The following CHM variants were observed in gnomAD, a reference collection of about 807,000 sequenced individuals.
CHM encodes rab proteins geranylgeranyltransferase component A 1.
Under a neutral mutation model 49.0 loss-of-function variants are expected in CHM, and 10 were observed. The observed-to-expected ratio is 0.20, with a 90% CI of 0.13 to 0.35. The LOEUF is 0.35. CHM is among the 10% of genes least tolerant of loss of function. CHM has a pLI of 1.00. For synonymous variants in CHM, 184 were observed against 167.5 expected, an observed-to-expected ratio of 1.10 and a Z score of -0.76; for missense variants, 455 against 478.4, an observed-to-expected ratio of 0.95 and a Z score of 0.46.
At chrX:86,019,752 T>C (rs7889442) in intron 2 of CHM, 197 of 111,661 alleles carry the variant, frequency 1.8e-3, no homozygotes, top group African/African-American at 6.1e-3. Context: ...GTTACAGCAA[T>C]AGCACAGTAT....
At chrX:86,015,870 C>T (rs1225652503) in intron 2 of CHM, among the ~76,000 whole-genome samples, 3 of 112,248 alleles carry the variant, frequency 2.7e-5, no homozygotes, top group African/African-American at 6.5e-5. Context: ...GGGTGGCTCA[C>T]GCCTGTAATC....
intron 8 of CHM, among the ~76,000 whole-genome samples, chrX:85,942,766 T>A (rs75767861): frequency 0.23 from 25,057 of 107,853 alleles, 2,284 homozygotes; most frequent in Non-Finnish European, 0.26. Context: ...TTTTTTTTTT[T>A]TATATATATA....
intron 8 of CHM, among the ~76,000 whole-genome samples, chrX:85,913,384 G>GAAAGAAAGAAAA (rs1927240309): frequency 1.0e-5 from 1 of 95,315 alleles, no homozygotes; most frequent in African/African-American, 3.8e-5. Context: ...AAGAAAGAAA[G>GAAAGAAAGAAAA]AAAAAAGGAA....
At chrX:86,047,105 T>A (rs1934678953) in intron 1 of CHM, 1 of 263,901 alleles carries the variant, frequency 3.8e-6, no homozygotes, top group African/African-American at 2.8e-5. Context: ...TGATGGGGAA[T>A]ATCACCTTGA....
At chrX:86,018,833 T>C (rs747997688) in intron 2 of CHM, among the ~76,000 whole-genome samples, 1 of 111,033 alleles carries the variant, frequency 9.0e-6, no homozygotes, top group Non-Finnish European at 1.9e-5. Context: ...GACAAAATAA[T>C]AGAGATGAAA....
intron 12 of CHM, 105 bp downstream of exon 12, chrX:85,894,083 A>G: frequency 1.7e-6 from 1 of 596,179 alleles, no homozygotes; most frequent in Non-Finnish European, 2.7e-6. Context: ...TGAATAATAA[A>G]AAAGTAAGAA....
intron 12 of CHM, among the ~76,000 whole-genome samples, chrX:85,890,763 G>T (rs1203696901): frequency 9.0e-6 from 1 of 111,674 alleles, no homozygotes; most frequent in Non-Finnish European, 1.9e-5. Flanking sequence ...GTAGAGTGAG[G>T]CATTGTTGAA....
chrX:85,876,006 A>G (rs1924390969), intron 13 of CHM, among the ~76,000 whole-genome samples: 1 of 112,043 alleles, frequency 8.9e-6, no homozygotes. Flanking sequence ...CAGAATATGT[A>G]AAGAACTCCT....
intron 13 of CHM, among the ~76,000 whole-genome samples, chrX:85,876,133 T>C (rs1039048716): frequency 1.8e-5 from 2 of 111,542 alleles, no homozygotes; most frequent in Non-Finnish European, 3.8e-5. Flanking sequence ...TGAACATCAC[T>C]AATCGCTGGG....
intron 1 of CHM, among the ~76,000 whole-genome samples, chrX:86,045,753 T>C (rs1276762144): frequency 1.8e-5 from 2 of 110,890 alleles, no homozygotes; most frequent in Non-Finnish European, 3.8e-5. Context: ...CATTCATCAA[T>C]TAAAATTTGA....
chrX:85,919,696 T>G (rs1927666752), intron 8 of CHM, among the ~76,000 whole-genome samples: 1 of 111,945 alleles, frequency 8.9e-6, no homozygotes, highest in African/African-American at 3.2e-5. Flanking sequence ...GATAATTCAT[T>G]TAAATATCCT....
intron 2 of CHM, among the ~76,000 whole-genome samples, chrX:86,001,870 C>A (rs1932742561): frequency 2.7e-5 from 3 of 110,185 alleles, no homozygotes; most frequent in Non-Finnish European, 3.8e-5. Flanking sequence ...TTTAAAAAAA[C>A]AACAACAACA....
Position 85,907,613 on chromosome X carries a change from T to C in CHM, c.1244+3648A>G, listed in dbSNP as rs192027137. Among the ~76,000 whole-genome samples, 607 of 112,049 alleles carry C rather than the reference T, an allele frequency of 5.4e-3. 2 individuals are homozygous for C. The highest frequency in any genetic ancestry group is 9.3e-3 in the Non-Finnish European group (495 of 53,195). On this transcript the variant is annotated intron_variant, in intron 9 of 14. Coordinates refer to ENST00000357749, the MANE Select transcript of CHM (RefSeq NM_000390.4). The stretch of plus-strand genomic sequence containing the variant: ...AAAATAAAACCTGGCTGAAAATAGG[T>C]ATGCATTTGGTTACATATTCCATAT...
At chrX:85,881,460 A>T (rs756018050) in intron 12 of CHM, among the ~76,000 whole-genome samples, 25 of 112,132 alleles carry the variant, frequency 2.2e-4, no homozygotes, top group Non-Finnish European at 3.6e-4. Context: ...ATTTCACTTT[A>T]CTTGTGCAAC....
intron 8 of CHM, among the ~76,000 whole-genome samples, chrX:85,930,728 T>C (rs190140180): frequency 2.5e-4 from 28 of 111,826 alleles, no homozygotes; most frequent in Admixed American, 2.2e-3. Context: ...AGAGACGCTT[T>C]CCCATAACTT....
At chrX:86,031,824 G>C (rs2147797071) in intron 1 of CHM, among the ~76,000 whole-genome samples, 1 of 110,191 alleles carries the variant, frequency 9.1e-6, no homozygotes, top group African/African-American at 3.3e-5. Context: ...TGGGCAACAA[G>C]AGAAAAACTC....
At chrX:85,882,233 C>G (rs763367875) in intron 12 of CHM, among the ~76,000 whole-genome samples, 217 of 112,061 alleles carry the variant, frequency 1.9e-3, no homozygotes, top group African/African-American at 6.8e-3. Context: ...CATGCTATCA[C>G]ATTTCTACTG....
rs183370074 is a variant in CHM at position 85,934,645 on chromosome X, C to T, written c.1166+21508G>A. On this transcript the variant is annotated intron_variant, in intron 8 of 14. Coordinates refer to ENST00000357749, the MANE Select transcript of CHM (RefSeq NM_000390.4). ...TTTTTTATGGCTGCATAGTATTCCA[C>T]GGTGTATATGTGCCACATTTCCTTA... Among the ~76,000 whole-genome samples the T allele has an allele frequency of 7.7e-3, 849 of 110,097 alleles. 6 individuals carry two copies. Among genetic ancestry groups the T allele is most frequent in the African/African-American group, 0.026 (774 of 30,229 alleles).
chrX:85,972,249 A>G (rs1232613851), intron 4 of CHM, among the ~76,000 whole-genome samples: 1 of 112,856 alleles, frequency 8.9e-6, no homozygotes, highest in Non-Finnish European at 1.9e-5. Context: ...AGCTAGATAT[A>G]AAGACTCTCC....
Sources: allele counts gnomAD v4.1 joint callset (sites outside exome capture counted in the v4.1 genomes callset), GRCh38; gene constraint gnomAD v4.1.1; transcripts MANE v1.5; gene names NCBI Gene and HGNC (gene_info 2026-07-23, HGNC 2026-07-21).